SORCS1: variants seen among roughly 807,000 people sequenced by gnomAD.
SORCS1 encodes the protein VPS10 domain-containing receptor SorCS1.
SORCS1 carries 60 observed loss-of-function variants against 146.1 expected under a neutral mutation model. The observed-to-expected ratio is 0.41, with a 90% CI of 0.33 to 0.51. SORCS1 has a LOEUF of 0.51. SORCS1 is among the 20% of genes least tolerant of loss of function. The pLI is 0.21. For synonymous variants in SORCS1, 637 were observed against 584.0 expected, an observed-to-expected ratio of 1.09 and a Z score of -1.31; for missense variants, 1,352 against 1,487.6, an observed-to-expected ratio of 0.91 and a Z score of 1.50.
At chr10:106,852,348 G>A (rs71475423) in intron 2 of SORCS1, among the ~76,000 whole-genome samples, 5,307 of 152,048 alleles carry the variant, frequency 0.035, 107 homozygotes, top group East Asian at 0.059. Flanking sequence ...AAGTTTCCTC[G>A]GCTGGGTGCG....
intron 1 of SORCS1, among the ~76,000 whole-genome samples, chr10:107,110,718 T>C (rs1965639608): frequency 6.6e-6 from 1 of 152,026 alleles, no homozygotes; most frequent in Non-Finnish European, 1.5e-5. Flanking sequence ...GACTTGGTTT[T>C]AGTCCCTTTA....
upstream of SORCS1, among the ~76,000 whole-genome samples, chr10:107,166,952 C>T (rs1228780546): frequency 6.6e-6 from 1 of 152,210 alleles, no homozygotes; most frequent in African/African-American, 2.4e-5. Context: ...AATGCTCGTA[C>T]AAGTAGAGTA....
chr10:106,946,514 T>C (rs778266383), intron 2 of SORCS1, among the ~76,000 whole-genome samples: 1 of 152,204 alleles, frequency 6.6e-6, no homozygotes, highest in Non-Finnish European at 1.5e-5. Context: ...CTGCACAAAC[T>C]CTCTCGCCTG....
chr10:106,947,554 G>A (rs1331033473), intron 2 of SORCS1, among the ~76,000 whole-genome samples: 1 of 152,136 alleles, frequency 6.6e-6, no homozygotes, highest in Admixed American at 6.5e-5. Context: ...CTAGAAACTG[G>A]AGCTACAGGC....
chr10:106,838,126 A>G (rs967618006), intron 2 of SORCS1, among the ~76,000 whole-genome samples: 1 of 152,174 alleles, frequency 6.6e-6, no homozygotes, highest in African/African-American at 2.4e-5. Flanking sequence ...GTGGACTTCC[A>G]TGAAATAAAA....
At chr10:106,939,704 A>G (rs577403362) in intron 2 of SORCS1, among the ~76,000 whole-genome samples, 1 of 152,344 alleles carries the variant, frequency 6.6e-6, no homozygotes, top group Admixed American at 6.5e-5. Flanking sequence ...ACTCTTCAGC[A>G]CACCATTTCC....
intron 24 of SORCS1, among the ~76,000 whole-genome samples, chr10:106,581,516 C>T (rs912970403): frequency 5.3e-5 from 8 of 152,074 alleles, no homozygotes; most frequent in Admixed American, 1.3e-4. Context: ...AAATCATGTA[C>T]GCTTACGTTT....
chr10:107,037,902 T>C (rs1298223170), intron 1 of SORCS1, among the ~76,000 whole-genome samples: 3 of 152,202 alleles, frequency 2.0e-5, no homozygotes, highest in African/African-American at 4.8e-5. Flanking sequence ...TCTTGGCTCA[T>C]TGCAGCCTCC....
the SORCS1 span, among the ~76,000 whole-genome samples, chr10:107,181,047 C>G: frequency 6.6e-6 from 1 of 152,114 alleles, no homozygotes; most frequent in Non-Finnish European, 1.5e-5. Flanking sequence ...AATAGTAAAA[C>G]TGAGTAGGGC....
At chr10:106,924,596 A>G (rs747328710) in intron 2 of SORCS1, among the ~76,000 whole-genome samples, 22 of 152,184 alleles carry the variant, frequency 1.4e-4, no homozygotes, top group Non-Finnish European at 1.5e-5. Flanking sequence ...GAAGCGTAAG[A>G]ACAAGAGGAT....
In SORCS1 at chr10:106,575,120, A is replaced by C. The variant is rs561087396; in HGVS notation, c.*2300T>G. On this transcript the variant is annotated 3_prime_UTR_variant, in exon 26 of 26. Transcript: ENST00000263054. ...TGAGTGAGCCTCTTTTGATTTTCCA[A>C]CACTTTGTCTTCCACATTAAATTTG... The C allele has an allele frequency of 6.5e-6, 1 of 152,722 alleles. No homozygotes were observed. Among genetic ancestry groups the C allele is most frequent in the East Asian group, 1.9e-4 (1 of 5,186 alleles). The allele number at this position is 152,722 out of a possible 1,614,324, so 9.5% of individuals were successfully genotyped here. A position where few individuals can be genotyped will look rare whatever the true frequency, so the allele number is the denominator to read the frequency against.
At chr10:106,931,200 C>T (rs1009939947) in intron 2 of SORCS1, among the ~76,000 whole-genome samples, 1 of 152,168 alleles carries the variant, frequency 6.6e-6, no homozygotes, top group Non-Finnish European at 1.5e-5. Flanking sequence ...GGCATTTGTA[C>T]TTAAATCCTA....
At chr10:106,842,387 C>T (rs918050448) in intron 2 of SORCS1, among the ~76,000 whole-genome samples, 1 of 152,092 alleles carries the variant, frequency 6.6e-6, no homozygotes, top group Non-Finnish European at 1.5e-5. Context: ...TTGTGCACCA[C>T]CAGGCCCGGC....
At chr10:106,782,081 T>C (rs115027663) in intron 3 of SORCS1, among the ~76,000 whole-genome samples, 1,572 of 152,292 alleles carry the variant, frequency 0.01, 25 homozygotes, top group African/African-American at 0.035. Context: ...AATCGCGTCA[T>C]TCAATACTGA....
intron 18 of SORCS1, among the ~76,000 whole-genome samples, chr10:106,636,790 C>G (rs1389035383): frequency 6.6e-6 from 1 of 152,186 alleles, no homozygotes; most frequent in African/African-American, 2.4e-5. Context: ...TTCAAATTTG[C>G]CTAGAGTCAC....
intron 1 of SORCS1, among the ~76,000 whole-genome samples, chr10:107,075,081 T>G (rs2134203610): frequency 6.6e-6 from 1 of 152,282 alleles, no homozygotes; most frequent in East Asian, 1.9e-4. Context: ...AAGATACATT[T>G]GCATGGAAAA....
chr10:107,081,479 C>T (rs188396979), intron 1 of SORCS1, among the ~76,000 whole-genome samples: 19 of 152,206 alleles, frequency 1.2e-4, no homozygotes, highest in Non-Finnish European at 2.4e-4. Context: ...CTCAACTACT[C>T]CTCAAATCTG....
intron 1 of SORCS1, among the ~76,000 whole-genome samples, chr10:106,970,909 T>A (rs945880126): frequency 6.0e-5 from 8 of 132,284 alleles, no homozygotes; most frequent in Non-Finnish European, 1.1e-4. Flanking sequence ...CAGCTAATTT[T>A]TTTTTTTTTT....
chr10:106,908,450 T>C (rs1952007431), intron 2 of SORCS1, among the ~76,000 whole-genome samples: 1 of 152,220 alleles, frequency 6.6e-6, no homozygotes, highest in Non-Finnish European at 1.5e-5. Flanking sequence ...GATCCTCTTT[T>C]ATTCTAATGA....
Sources: gnomAD v4.1 joint callset for allele counts (sites outside exome capture counted in the v4.1 genomes callset) on GRCh38, gnomAD v4.1.1 for gene constraint, MANE v1.5 for transcripts, NCBI Gene and HGNC (gene_info 2026-07-23, HGNC 2026-07-21) for gene names.